The following CACNA2D1 variants were observed in gnomAD, a reference collection of about 807,000 sequenced individuals.
CACNA2D1 encodes voltage-dependent calcium channel subunit alpha-2/delta-1.
In CACNA2D1, 53 loss-of-function variants were observed where a neutral mutation model predicts 171.5. The ratio of observed to expected loss-of-function variants is 0.31; its 90% CI spans 0.25 to 0.39. The LOEUF is 0.39. Ranked by LOEUF, CACNA2D1 falls within the 10% of genes least tolerant of loss-of-function variation. The probability of loss-of-function intolerance (pLI) is 1.00; values close to 1 mark genes in which losing one functional copy is unlikely to be tolerated. For missense variants in CACNA2D1, 903 were observed against 1,299.8 expected, an observed-to-expected ratio of 0.69 and a Z score of 4.69; for synonymous variants, 442 against 443.1, an observed-to-expected ratio of 1.00 and a Z score of 0.03.
rs558163220 is a variant in CACNA2D1, at chr7:82,025,619, C to G, written c.1143+7178G>C. On this transcript the variant is annotated intron_variant, in intron 12 of 38. Coordinates refer to ENST00000356860, the MANE Select transcript of CACNA2D1 (RefSeq NM_000722.4). ...AAAAGGAGACTATTTATTTCTGCTA[C>G]TAATTTCTAGTTTCACTCCACTGTG... Among the ~76,000 whole-genome samples the G allele has an allele frequency of 5.9e-5, 9 of 151,694 alleles. No homozygotes were observed. In the South Asian group the frequency reaches 1.9e-3, roughly 31 times the overall value.
At chr7:82,297,087 A>AAAAAAAAAAAAAAAAAAAAAAAG in intron 3 of CACNA2D1, among the ~76,000 whole-genome samples, 1 of 149,278 alleles carries the variant, frequency 6.7e-6, no homozygotes, top group Non-Finnish European at 1.5e-5. Context: ...AAAAAAAAAA[A>AAAAAAAAAAAAAAAAAAAAAAAG]AAAAAAAAAA....
intron 1 of CACNA2D1, among the ~76,000 whole-genome samples, chr7:82,423,328 C>T (rs144173930): frequency 6.6e-6 from 1 of 152,130 alleles, no homozygotes; most frequent in Non-Finnish European, 1.5e-5. Context: ...AACAATTTTA[C>T]ATACATCTGC....
intron 3 of CACNA2D1, among the ~76,000 whole-genome samples, chr7:82,180,698 A>T (rs1406260840): frequency 2.0e-5 from 3 of 152,130 alleles, no homozygotes; most frequent in Non-Finnish European, 4.4e-5. Context: ...TACAATGTGG[A>T]GGTGAAACTA....
intron 5 of CACNA2D1, among the ~76,000 whole-genome samples, chr7:82,132,763 T>C (rs1195547716): frequency 6.6e-6 from 1 of 152,216 alleles, no homozygotes; most frequent in African/African-American, 2.4e-5. Context: ...CCACTTTTAC[T>C]TTAGGTATCT....
chr7:82,079,387 T>C (rs1182415459), intron 7 of CACNA2D1, among the ~76,000 whole-genome samples: 2 of 152,148 alleles, frequency 1.3e-5, no homozygotes, highest in Admixed American at 6.5e-5. Context: ...ATAATTACTG[T>C]GGAATCTAAA....
intron 3 of CACNA2D1, among the ~76,000 whole-genome samples, chr7:82,250,393 T>C (rs942891809): frequency 2.0e-5 from 3 of 152,186 alleles, no homozygotes; most frequent in African/African-American, 4.8e-5. Flanking sequence ...TAAATTCTCA[T>C]TGTAGGAAAG....
chr7:82,169,852 ATT>A (rs34323202), intron 4 of CACNA2D1, among the ~76,000 whole-genome samples: 74 of 148,988 alleles, frequency 5.0e-4, no homozygotes, highest in Non-Finnish European at 6.3e-4. Context: ...TTATTAAGGA[ATT>A]TTTTTTTTTT....
intron 21 of CACNA2D1, among the ~76,000 whole-genome samples, chr7:81,990,018 T>C (rs903955218): frequency 5.3e-5 from 8 of 152,160 alleles, no homozygotes; most frequent in Non-Finnish European, 7.3e-5. Context: ...TATGAAGGCA[T>C]TGCAGACTTG....
At position 82,063,286 on chromosome 7, in the gene CACNA2D1, A is replaced by T. The variant is rs532135867; in HGVS notation, c.779+1018T>A. Among the ~76,000 whole-genome samples the T allele has an allele frequency of 6.8e-3, 1,040 of 152,292 alleles. 18 individuals carry two copies. Among genetic ancestry groups the T allele is most frequent in the African/African-American group, 0.024 (979 of 41,570 alleles). On this transcript the variant is annotated intron_variant, in intron 9 of 38. Coordinates refer to ENST00000356860, the MANE Select transcript of CACNA2D1 (RefSeq NM_000722.4). ...ATATATTGATTTATACTTAAGAAGAATATCAAGGATTAGCATATAAGATCC... is the reference window on the plus strand; with the variant it reads ...ATATATTGATTTATACTTAAGAAGATTATCAAGGATTAGCATATAAGATCC...
intron 7 of CACNA2D1, among the ~76,000 whole-genome samples, chr7:82,084,532 T>G (rs1353598654): frequency 6.6e-6 from 1 of 152,192 alleles, no homozygotes; most frequent in African/African-American, 2.4e-5. Context: ...TACCTGCTCA[T>G]GGTCTCACAG....
At chr7:82,352,251 T>C (rs1220149235) in intron 1 of CACNA2D1, among the ~76,000 whole-genome samples, 1 of 152,126 alleles carries the variant, frequency 6.6e-6, no homozygotes, top group Non-Finnish European at 1.5e-5. Context: ...CCTTTCAACC[T>C]GGAATTAAAA....
intron 6 of CACNA2D1, among the ~76,000 whole-genome samples, chr7:82,092,991 G>C (rs1469931686): frequency 6.6e-6 from 1 of 150,934 alleles, no homozygotes; most frequent in East Asian, 1.9e-4. Flanking sequence ...CCAAATTAAA[G>C]TGTGTGGTTT....
intron 1 of CACNA2D1, among the ~76,000 whole-genome samples, chr7:82,436,223 A>C (rs1394727303): frequency 6.6e-6 from 1 of 152,214 alleles, no homozygotes; most frequent in Non-Finnish European, 1.5e-5. Flanking sequence ...AAAAGGCAAT[A>C]TAAATTAAAA....
intron 3 of CACNA2D1, among the ~76,000 whole-genome samples, chr7:82,322,810 A>T (rs1816161173): frequency 6.6e-6 from 1 of 152,152 alleles, no homozygotes; most frequent in South Asian, 2.1e-4. Flanking sequence ...GATGCAAAGA[A>T]CACCTGTGTA....
chr7:81,960,115 T>C (rs1433148900), intron 36 of CACNA2D1, among the ~76,000 whole-genome samples: 1 of 152,092 alleles, frequency 6.6e-6, no homozygotes, highest in Non-Finnish European at 1.5e-5. Flanking sequence ...TAGTTGTTGA[T>C]GTACATAGAA....
chr7:82,426,741 T>C (rs1166865018), intron 1 of CACNA2D1, among the ~76,000 whole-genome samples: 1 of 152,150 alleles, frequency 6.6e-6, no homozygotes, highest in African/African-American at 2.4e-5. Flanking sequence ...GCCACTAAAA[T>C]TATTTTTCTG....
In CACNA2D1 at chr7:81,947,968, A is replaced by G. The variant is rs995802246; in HGVS notation, c.*2424T>C. On this transcript the variant is annotated 3_prime_UTR_variant, in exon 39 of 39. Transcript: ENST00000356860. ...TGCATATAAATATATTTTGATGGCAACAGAAATTAAATAGGATCCTGCCAA... is the reference window on the plus strand; with the variant it reads ...TGCATATAAATATATTTTGATGGCAGCAGAAATTAAATAGGATCCTGCCAA... 2 of 151,892 alleles carry G rather than the reference A, an allele frequency of 1.3e-5. No individual in the cohort carries two copies. Among genetic ancestry groups the G allele is most frequent in the Non-Finnish European group, 2.9e-5 (2 of 67,826 alleles). 9.4% of individuals were successfully genotyped at this position (151,892 alleles called of 1,614,324 possible). A position where few individuals can be genotyped will look rare whatever the true frequency, so the allele number is the denominator to read the frequency against.
chr7:82,094,000 G>C (rs258655), intron 6 of CACNA2D1, among the ~76,000 whole-genome samples: 126,333 of 152,092 alleles, frequency 0.83, 52,821 homozygotes, highest in African/African-American at 0.93. Context: ...AGTATTAGAA[G>C]TGACTAATGA....
intron 6 of CACNA2D1, among the ~76,000 whole-genome samples, chr7:82,102,381 AAAGAT>A (rs1812779410): frequency 6.6e-6 from 1 of 151,730 alleles, no homozygotes; most frequent in South Asian, 2.1e-4. Flanking sequence ...AGGATGACAC[AAAGAT>A]AAGTAAATGA....
Sources: gnomAD v4.1 joint callset for allele counts (sites outside exome capture counted in the v4.1 genomes callset) on GRCh38, gnomAD v4.1.1 for gene constraint, MANE v1.5 for transcripts, NCBI Gene and HGNC (gene_info 2026-07-23, HGNC 2026-07-21) for gene names.